PDZRN3: variants seen among roughly 807,000 people sequenced by gnomAD.
PDZRN3 encodes E3 ubiquitin-protein ligase PDZRN3.
A neutral mutation model predicts 85.7 loss-of-function variants in PDZRN3; 38 were observed. The observed-to-expected ratio is 0.44, with a 90% CI of 0.34 to 0.58. The LOEUF is 0.58. Ranked by LOEUF, PDZRN3 falls within the 20% of genes least tolerant of loss-of-function variation. The pLI, the probability that PDZRN3 is intolerant of heterozygous loss-of-function variation, is 0.01. For synonymous variants in PDZRN3, 759 were observed against 638.0 expected, an observed-to-expected ratio of 1.19 and a Z score of -2.86; for missense variants, 1,629 against 1,506.4, an observed-to-expected ratio of 1.08 and a Z score of -1.35.
Position 73,383,622 on chromosome 3 carries a change from G to T in PDZRN3, c.2944C>A (p.Leu982Met), listed in dbSNP as rs1362286704. Residue 982 changes from leucine (L) to methionine (M), a missense_variant, in exon 10 of 10, where the codon CTG becomes ATG. Transcript: ENST00000263666. The stretch of plus-strand genomic sequence containing the variant: ...CGCCGCTGCTCCTTGGCCTTCACCA[G>T]GTGCTGCTTCCTCTCCTCCTTGCTC... Reference protein sequence around the residue: ...YWSKEERKQHLVKAKEQRRRR... With the variant: ...YWSKEERKQHMVKAKEQRRRR... 6.2e-7 allele frequency: 1 copy of T among 1,613,728 alleles called. No individual in the cohort carries two copies. The highest frequency in any genetic ancestry group is 1.7e-5 in the Admixed American group (1 of 59,996).
chr3:73,495,605 T>C (rs1334995244), intron 3 of PDZRN3, among the ~76,000 whole-genome samples: 1 of 152,248 alleles, frequency 6.6e-6, no homozygotes. Flanking sequence ...ACACTTAGGA[T>C]GTTTCTGATT....
At chr3:73,575,769 T>A (rs1204151618) in intron 3 of PDZRN3, among the ~76,000 whole-genome samples, 1 of 152,194 alleles carries the variant, frequency 6.6e-6, no homozygotes, top group African/African-American at 2.4e-5. Flanking sequence ...TATGCCTCTG[T>A]TTTCTCATTA....
chr3:73,480,803 G>A (rs1423212090), intron 3 of PDZRN3, among the ~76,000 whole-genome samples: 2 of 152,122 alleles, frequency 1.3e-5, no homozygotes. Flanking sequence ...CCCAAGCCCT[G>A]CTCCCAACCT....
chr3:73,419,488 C>T (rs979290988), intron 3 of PDZRN3, among the ~76,000 whole-genome samples: 4 of 152,188 alleles, frequency 2.6e-5, no homozygotes, highest in African/African-American at 9.7e-5. Flanking sequence ...GGATCCCCTG[C>T]ACACGCAACG....
At chr3:73,608,229 G>A (rs1559756420) in intron 2 of PDZRN3, among the ~76,000 whole-genome samples, 1 of 152,130 alleles carries the variant, frequency 6.6e-6, no homozygotes, top group Non-Finnish European at 1.5e-5. Flanking sequence ...TTCCAGTCTG[G>A]AGCACCACAC....
Position 73,389,808 on chromosome 3 carries a change from G to A in PDZRN3, c.1416+8C>T, listed in dbSNP as rs75255967. 5,469 of 1,604,444 alleles carry A rather than the reference G, an allele frequency of 3.4e-3. 151 individuals are homozygous for A. In the African/African-American group the frequency reaches 0.056, roughly 16 times the overall value. On this transcript the variant is annotated splice_region_variant and intron_variant, in intron 7 of 9. Transcript: ENST00000263666. Reference sequence around the variant, plus strand: ...CATCATGAGGCCATTGTTTGGAAGTGGACTTACCTGGATAATGCGGTCTCC... The same window carrying A: ...CATCATGAGGCCATTGTTTGGAAGTAGACTTACCTGGATAATGCGGTCTCC...
chr3:73,559,185 T>C (rs1701764859), intron 3 of PDZRN3, among the ~76,000 whole-genome samples: 1 of 152,176 alleles, frequency 6.6e-6, no homozygotes, highest in African/African-American at 2.4e-5. Context: ...GGAATTAATA[T>C]TATGCCCGGT....
intron 3 of PDZRN3, among the ~76,000 whole-genome samples, chr3:73,458,227 C>A (rs1394414648): frequency 3.3e-5 from 5 of 152,024 alleles, no homozygotes; most frequent in Admixed American, 3.3e-4. Flanking sequence ...AATGAGAAAA[C>A]AGGAGGCAAC....
chr3:73,578,178 T>C (rs1702151134), intron 3 of PDZRN3, among the ~76,000 whole-genome samples: 2 of 150,902 alleles, frequency 1.3e-5, no homozygotes, highest in South Asian at 4.2e-4. Flanking sequence ...TTTTTTTTTT[T>C]TTTGAGACGG....
chr3:73,445,263 T>C (rs1041741419), intron 3 of PDZRN3, among the ~76,000 whole-genome samples: 6 of 152,156 alleles, frequency 3.9e-5, no homozygotes, highest in Non-Finnish European at 7.4e-5. Context: ...TCGTAGTAGA[T>C]GGTCCTTTCC....
intron 3 of PDZRN3, among the ~76,000 whole-genome samples, chr3:73,480,806 C>G (rs772313187): frequency 2.0e-5 from 3 of 152,192 alleles, no homozygotes; most frequent in Non-Finnish European, 4.4e-5. Flanking sequence ...AAGCCCTGCT[C>G]CCAACCTAGT....
At chr3:73,483,873 C>T (rs1245737428) in intron 3 of PDZRN3, among the ~76,000 whole-genome samples, 2 of 152,250 alleles carry the variant, frequency 1.3e-5, no homozygotes, top group East Asian at 3.9e-4. Flanking sequence ...GCCTTGGAGG[C>T]CAGGCAAAGT....
chr3:73,388,930 CAAAAAAAAAAAAA>C lies in PDZRN3; in HGVS notation c.1416+873_1417-862del, dbSNP rs10675308. On this transcript the variant is annotated intron_variant, in intron 7 of 9. Transcript: ENST00000263666. Reference sequence around the variant, plus strand: ...AAGGTTAATGGAAAACTCCAGCAATCAAAAAAAAAAAAAAAAAAAAAAAAAAGAGGCAGTATGC... The same window carrying C: ...AAGGTTAATGGAAAACTCCAGCAATCAAAAAAAAAAAAAGAGGCAGTATGC... 5.9e-5 allele frequency among the ~76,000 whole-genome samples: 4 copies of C among 67,686 alleles called. No homozygotes were observed. In the South Asian group the frequency reaches 3.0e-3, roughly 51 times the overall value. 44.4% of individuals were successfully genotyped at this position (67,686 alleles called of 152,430 possible).
At chr3:73,459,624 C>A (rs1333740715) in intron 3 of PDZRN3, among the ~76,000 whole-genome samples, 2 of 152,184 alleles carry the variant, frequency 1.3e-5, no homozygotes, top group Non-Finnish European at 2.9e-5. Flanking sequence ...TTTGTTCCTG[C>A]ATTAGTTTGC....
chr3:73,540,948 C>T (rs1704906340), intron 3 of PDZRN3, among the ~76,000 whole-genome samples: 1 of 152,134 alleles, frequency 6.6e-6, no homozygotes, highest in South Asian at 2.1e-4. Context: ...TGCATGTTTA[C>T]CCAATTCTTA....
intron 3 of PDZRN3, chr3:73,433,515 G>T: frequency 1.6e-6 from 1 of 639,908 alleles, no homozygotes; most frequent in African/African-American, 1.8e-5. Context: ...CAGAAAGGCT[G>T]CGTCTTTCAG....
chr3:73,612,186 G>A (rs2106909596), intron 1 of PDZRN3, among the ~76,000 whole-genome samples: 1 of 152,290 alleles, frequency 6.6e-6, no homozygotes, highest in South Asian at 2.1e-4. Context: ...CTTGCCTTCC[G>A]AAGCAGACAT....
chr3:73,525,839 C>T (rs778837786), intron 3 of PDZRN3, among the ~76,000 whole-genome samples: 6 of 152,182 alleles, frequency 3.9e-5, no homozygotes, highest in Non-Finnish European at 7.3e-5. Context: ...GCTTGTTTCT[C>T]TCATCTCACT....
At chr3:73,590,675 A>C (rs1702345279) in intron 3 of PDZRN3, among the ~76,000 whole-genome samples, 1 of 152,230 alleles carries the variant, frequency 6.6e-6, no homozygotes, top group Non-Finnish European at 1.5e-5. Context: ...AAATGATGAA[A>C]TATTTTCTCT....
Sources: gnomAD v4.1 joint callset for allele counts (sites outside exome capture counted in the v4.1 genomes callset) on GRCh38, gnomAD v4.1.1 for gene constraint, MANE v1.5 for transcripts, NCBI Gene and HGNC (gene_info 2026-07-23, HGNC 2026-07-21) for gene names.